DCLK1: variants seen among roughly 807,000 people sequenced by gnomAD.
DCLK1 encodes doublecortin like kinase 1.
DCLK1 carries 16 observed loss-of-function variants against 86.2 expected under a neutral mutation model. The ratio of observed to expected loss-of-function variants is 0.19; its 90% CI spans 0.13 to 0.28. The LOEUF (loss-of-function observed/expected upper bound fraction) is 0.28. Among genes scored for constraint, DCLK1 ranks in the 10% least tolerant of loss-of-function variants. The pLI is 1.00. For synonymous variants in DCLK1, 369 were observed against 370.5 expected (o/e 1.00, Z 0.05); for missense variants, 590 against 940.2 (o/e 0.63, Z 4.87).
chr13:35,875,445 G>A lies in DCLK1; in HGVS notation c.824-4105C>T, dbSNP rs548718528. ...CACAGGTGCCAGAGTTGCTAGCTGT[G>A]GCTATAACTACCAACCAGCAATCCA... On this transcript the variant is annotated intron_variant, in intron 4 of 16. Coordinates refer to ENST00000360631, the MANE Select transcript of DCLK1 (RefSeq NM_001330071.2). Among the ~76,000 whole-genome samples the A allele has an allele frequency of 4.6e-5, 7 of 152,226 alleles. No homozygotes were observed. The South Asian group carries it at 6.2e-4, about 14-fold the overall frequency.
chr13:36,075,612 G>A (rs2153162433), intron 3 of DCLK1, among the ~76,000 whole-genome samples: 1 of 152,220 alleles, frequency 6.6e-6, no homozygotes, highest in African/African-American at 2.4e-5. Flanking sequence ...AGCCTAGGGT[G>A]AATTATTTAA....
At chr13:35,782,701 C>T (rs538862772) in intron 16 of DCLK1, among the ~76,000 whole-genome samples, 519 of 152,268 alleles carry the variant, frequency 3.4e-3, no homozygotes, top group African/African-American at 0.012. Context: ...GTTAACTTAA[C>T]AAATATTTAT....
At chr13:35,886,473 C>T (rs546178193) in intron 4 of DCLK1, among the ~76,000 whole-genome samples, 110 of 152,140 alleles carry the variant, frequency 7.2e-4, no homozygotes, top group African/African-American at 2.3e-3. Context: ...CCTAAAGAAG[C>T]AAAGGATGTT....
chr13:36,044,712 A>G (rs1173473187), intron 3 of DCLK1, among the ~76,000 whole-genome samples: 3 of 152,170 alleles, frequency 2.0e-5, no homozygotes, highest in East Asian at 3.9e-4. Flanking sequence ...ACTACTAAAA[A>G]TTCGTGATAT....
intron 4 of DCLK1, among the ~76,000 whole-genome samples, chr13:35,927,169 C>T (rs1716963707): frequency 6.6e-6 from 1 of 152,208 alleles, no homozygotes; most frequent in African/African-American, 2.4e-5. Flanking sequence ...CAAAAGTAAT[C>T]CAGTTTCCAA....
intron 3 of DCLK1, among the ~76,000 whole-genome samples, chr13:36,095,045 G>T (rs1439795210): frequency 6.6e-6 from 1 of 152,074 alleles, no homozygotes; most frequent in Non-Finnish European, 1.5e-5. Flanking sequence ...ATGCCCAGTT[G>T]AACTGAACAA....
intron 4 of DCLK1, among the ~76,000 whole-genome samples, chr13:35,946,910 T>C (rs752771451): frequency 4.6e-5 from 7 of 152,172 alleles, no homozygotes; most frequent in Non-Finnish European, 7.3e-5. Flanking sequence ...TAATGCCACA[T>C]GAATTCTACA....
intron 2 of DCLK1, among the ~76,000 whole-genome samples, chr13:36,114,985 G>A (rs1202662150): frequency 1.3e-5 from 2 of 152,084 alleles, no homozygotes; most frequent in African/African-American, 2.4e-5. Context: ...CATGAGGTAT[G>A]TGTGTTAAGT....
chr13:35,956,431 G>T (rs753907824), intron 3 of DCLK1, among the ~76,000 whole-genome samples: 100 of 152,128 alleles, frequency 6.6e-4, no homozygotes, highest in Non-Finnish European at 1.8e-4. Flanking sequence ...ATCTTACTGT[G>T]ATAATTGGAA....
chr13:35,874,143 A>T (rs988517207), intron 4 of DCLK1, among the ~76,000 whole-genome samples: 2 of 152,156 alleles, frequency 1.3e-5, no homozygotes, highest in Non-Finnish European at 2.9e-5. Flanking sequence ...TCTCATTCTG[A>T]TGCCTGACTT....
chr13:36,070,760 G>A lies in DCLK1; in HGVS notation c.723+41109C>T, dbSNP rs1343573931. On this transcript the variant is annotated intron_variant, in intron 3 of 16. Coordinates refer to ENST00000360631, the MANE Select transcript of DCLK1 (RefSeq NM_001330071.2). ...GGGTTCAAGCGATTCTCTTGCCTCA[G>A]CCTCCTGAGTAGCTGGGATTACAGG... Among the ~76,000 whole-genome samples, 6 of 152,042 alleles carry A rather than the reference G, an allele frequency of 3.9e-5. No homozygotes were observed. In the East Asian group the frequency reaches 1.2e-3, roughly 29 times the overall value.
At chr13:35,827,507 T>C in intron 10 of DCLK1, 128 bp downstream of exon 10, 2 of 1,154,676 alleles carry the variant, frequency 1.7e-6, no homozygotes, top group Non-Finnish European at 2.4e-6. Context: ...TGAACATTCC[T>C]AATCACTGGG....
intron 3 of DCLK1, among the ~76,000 whole-genome samples, chr13:36,040,047 G>C (rs1194795827): frequency 6.6e-6 from 1 of 151,438 alleles, no homozygotes; most frequent in Non-Finnish European, 1.5e-5. Context: ...CCACATTAAA[G>C]GCATAAAAGT....
At chr13:35,835,989 C>T (rs1202582254) in intron 8 of DCLK1, 44 bp downstream of exon 8, 1 of 1,393,702 alleles carries the variant, frequency 7.2e-7, no homozygotes, top group Non-Finnish European at 1.0e-6. Context: ...AACATAACGC[C>T]AAATGTAACC....
intron 4 of DCLK1, among the ~76,000 whole-genome samples, chr13:35,917,559 G>A (rs1875492425): frequency 6.6e-6 from 1 of 152,098 alleles, no homozygotes; most frequent in Non-Finnish European, 1.5e-5. Flanking sequence ...CCTCAAGGAG[G>A]AAGAAAAGAA....
chr13:35,935,274 G>A (rs1163984309), intron 4 of DCLK1, among the ~76,000 whole-genome samples: 1 of 152,216 alleles, frequency 6.6e-6, no homozygotes, highest in Admixed American at 6.5e-5. Context: ...GCATGCCAAG[G>A]AGTCTGTAGG....
intron 16 of DCLK1, among the ~76,000 whole-genome samples, chr13:35,789,594 T>C (rs1307196425): frequency 6.6e-6 from 1 of 152,214 alleles, no homozygotes. Context: ...TGCTGATTAG[T>C]ATGGATTTGT....
intron 3 of DCLK1, among the ~76,000 whole-genome samples, chr13:35,953,011 G>C (rs1030019245): frequency 2.0e-5 from 3 of 152,096 alleles, no homozygotes; most frequent in African/African-American, 7.2e-5. Flanking sequence ...TACTGCATTG[G>C]TTCTAATATG....
intron 5 of DCLK1, among the ~76,000 whole-genome samples, chr13:35,858,254 G>T (rs1871189093): frequency 6.6e-6 from 1 of 152,156 alleles, no homozygotes; most frequent in African/African-American, 2.4e-5. Context: ...CCAGAGAAAT[G>T]TAAGAGGTAA....
Sources: allele counts gnomAD v4.1 joint callset (sites outside exome capture counted in the v4.1 genomes callset), GRCh38; gene constraint gnomAD v4.1.1; transcripts MANE v1.5; gene names NCBI Gene and HGNC (gene_info 2026-07-23, HGNC 2026-07-21).